Variants in MED23 observed in about 807,000 individuals in gnomAD.
The protein encoded by MED23 is mediator of RNA polymerase II transcription subunit 23.
A neutral mutation model predicts 163.9 loss-of-function variants in MED23; 105 were observed. The ratio of observed to expected loss-of-function variants is 0.64; its 90% CI spans 0.55 to 0.75. The LOEUF is 0.75. MED23 is among the 30% of genes least tolerant of loss of function. The pLI, the probability that MED23 is intolerant of heterozygous loss-of-function variation, is 0.00. For missense variants in MED23, 1,054 were observed against 1,649.0 expected (o/e 0.64, Z 6.25); for synonymous variants, 561 against 565.6 (o/e 0.99, Z 0.12).
At chr6:131,590,916 C>T (rs948588648) in intron 26 of MED23, among the ~76,000 whole-genome samples, 4 of 151,282 alleles carry the variant, frequency 2.6e-5, no homozygotes, top group South Asian at 4.2e-4. Flanking sequence ...CGCGCCCAGC[C>T]GCAAGTTGTT....
intron 11 of MED23, among the ~76,000 whole-genome samples, 200 bp from the exon 12 acceptor site, chr6:131,608,271 A>G (rs1343859852): frequency 6.6e-6 from 1 of 152,124 alleles, no homozygotes; most frequent in African/African-American, 2.4e-5. Flanking sequence ...AATTATTTTA[A>G]TATTATATAT....
At chr6:131,608,454 AT>A (rs1274497661) in intron 11 of MED23, among the ~76,000 whole-genome samples, 1 of 152,128 alleles carries the variant, frequency 6.6e-6, no homozygotes, top group Admixed American at 6.6e-5. Flanking sequence ...AACCTGGGGA[AT>A]ACTCTATCAC....
intron 30 of MED23, among the ~76,000 whole-genome samples, chr6:131,580,978 G>GA (rs1223378238): frequency 1.6e-4 from 24 of 151,734 alleles, no homozygotes; most frequent in African/African-American, 2.7e-4. Context: ...TGGATTTTGG[G>GA]AAAAAAAATC....
At chr6:131,622,405 G>A (rs571944409) in intron 5 of MED23, among the ~76,000 whole-genome samples, 1 of 152,156 alleles carries the variant, frequency 6.6e-6, no homozygotes, top group Admixed American at 6.5e-5. Flanking sequence ...ATAGGTGTAA[G>A]CCACTGTGAC....
rs188622333 is a variant in MED23 at position 131,609,462 on chromosome 6, C to T, written c.1077+584G>A. On this transcript the variant is annotated intron_variant, in intron 11 of 28. Transcript: ENST00000368068. Reference sequence around the variant, plus strand: ...GTCCTTCAAGTGTTAGCTTAAAGATCTCTTTGATACAGCCATCCCTGATAT... The same window carrying T: ...GTCCTTCAAGTGTTAGCTTAAAGATTTCTTTGATACAGCCATCCCTGATAT... 4.1e-5 allele frequency among the ~76,000 whole-genome samples: 6 copies of T among 145,664 alleles called. No homozygotes were observed. The Admixed American group carries it at 4.1e-4, about 10-fold the overall frequency.
intron 9 of MED23, 21 bp downstream of exon 9, chr6:131,618,386 C>A (rs762434668): frequency 6.6e-7 from 1 of 1,516,408 alleles, no homozygotes; most frequent in Non-Finnish European, 9.2e-7. Flanking sequence ...ACTAAAAGTG[C>A]CATTATATTT....
At position 131,589,491 on chromosome 6, in the gene MED23, A is replaced by G. The variant is rs1774428758; in HGVS notation, c.3913T>C (p.Phe1305Leu). The G allele has an allele frequency of 1.2e-6, 2 of 1,613,876 alleles. No homozygotes were observed. Among genetic ancestry groups the G allele is most frequent in the Non-Finnish European group, 1.7e-6 (2 of 1,179,820 alleles). The change falls in exon 28 of 29, where the codon TTT (phenylalanine) becomes CTT (leucine). Residue 1305 changes from phenylalanine to leucine, a missense_variant. By Grantham distance (22) the Phe-to-Leu change is conservative. Transcript: ENST00000368068. Reference sequence around the variant, plus strand: ...TGCTCTTTCACGCTGTCACCAGTAAACATATACTTCATGTGATAGAGGAAG... The same window carrying G: ...TGCTCTTTCACGCTGTCACCAGTAAGCATATACTTCATGTGATAGAGGAAG... The part of the protein sequence containing the change: ...CDFLYHMKYM[F>L]TGDSVKEQVE...
At chr6:131,601,381 T>TC (rs1254162217) in intron 17 of MED23, among the ~76,000 whole-genome samples, 1 of 152,222 alleles carries the variant, frequency 6.6e-6, no homozygotes, top group Non-Finnish European at 1.5e-5. Flanking sequence ...ACCAGTATTT[T>TC]CAAAATGAAT....
At chr6:131,583,936 T>G (rs757327323), downstream of MED23, 5 of 1,607,292 alleles carry the variant, frequency 3.1e-6, no homozygotes, top group South Asian at 3.3e-5. Flanking sequence ...ATAAATCTCA[T>G]AGTTAATGGC....
At chr6:131,628,256 T>C (rs2114803651), upstream of MED23, 1 of 598,476 alleles carries the variant, frequency 1.7e-6, no homozygotes, top group Admixed American at 2.8e-5. Flanking sequence ...AAGGGCCCGG[T>C]ACGCGCCGTT....
chr6:131,619,267 G>C (rs1776910478), intron 8 of MED23, among the ~76,000 whole-genome samples: 1 of 152,092 alleles, frequency 6.6e-6, no homozygotes, highest in Admixed American at 6.6e-5. Flanking sequence ...CTCAATATTT[G>C]ATCACTGAAT....
downstream of MED23, among the ~76,000 whole-genome samples, chr6:131,586,366 C>T (rs1460689772): frequency 6.6e-6 from 1 of 150,908 alleles, no homozygotes; most frequent in African/African-American, 2.4e-5. Context: ...TGCCACTGCA[C>T]TCCAGCCTGG....
chr6:131,590,469 G>T, intron 26 of MED23, 27 bp from the exon 27 acceptor site: 2 of 1,550,198 alleles, frequency 1.3e-6, no homozygotes, highest in African/African-American at 2.7e-5. Context: ...AAAATCTCCT[G>T]TGACTTGAAA....
At chr6:131,577,454 T>A (rs1773674727) in intron 30 of MED23, among the ~76,000 whole-genome samples, 1 of 152,216 alleles carries the variant, frequency 6.6e-6, no homozygotes, top group African/African-American at 2.4e-5. Flanking sequence ...GGATATGTTT[T>A]CATTTCTCTT....
At position 131,594,215 on chromosome 6, in the gene MED23, G is replaced by A. The variant is rs376944115; in HGVS notation, c.3116C>T (p.Pro1039Leu). 4.2e-5 allele frequency: 67 copies of A among 1,614,094 alleles called. No homozygotes were observed. Among genetic ancestry groups the A allele is most frequent in the Non-Finnish European group, 4.9e-5 (58 of 1,180,018 alleles). The stretch of plus-strand genomic sequence containing the variant: ...AGTGTCACTTAGACACCAGCCCTGC[G>A]GTCGATTATCCTTCAGAGAGCCAAT... ...AIIGSLKDNR[P>L]QGWCLSDTYL... The change falls in exon 23 of 29, where the codon CCG becomes CTG. Residue 1039 changes from proline (P) to leucine (L), a missense_variant. Coordinates refer to ENST00000368068, the MANE Select transcript of MED23 (RefSeq NM_004830.4).
intron 7 of MED23, among the ~76,000 whole-genome samples, chr6:131,620,319 T>C (rs1007211483): frequency 6.6e-6 from 1 of 152,008 alleles, no homozygotes; most frequent in African/African-American, 2.4e-5. Context: ...CAGGGTCTCG[T>C]CCTTTTGCCG....
chr6:131,573,993 A>G (rs932713493), exon 31 of MED23: 1 of 462,726 alleles, frequency 2.2e-6, no homozygotes, highest in Non-Finnish European at 3.9e-6. Flanking sequence ...ATTTTAATGG[A>G]TTTATGAAAC....
At chr6:131,584,660 G>C (rs1774110287), downstream of MED23, among the ~76,000 whole-genome samples, 1 of 129,870 alleles carries the variant, frequency 7.7e-6, no homozygotes, top group South Asian at 2.4e-4. Context: ...TAAAAGCATG[G>C]TTGCTATTCA....
intron 11 of MED23, 120 bp downstream of exon 11, chr6:131,609,926 G>T: frequency 2.2e-6 from 2 of 924,320 alleles, no homozygotes; most frequent in Non-Finnish European, 3.5e-6. Context: ...GCACTAAACA[G>T]GACAGAAATT....
Sources: allele counts gnomAD v4.1 joint callset (sites outside exome capture counted in the v4.1 genomes callset), GRCh38; gene constraint gnomAD v4.1.1; transcripts MANE v1.5; gene names NCBI Gene and HGNC (gene_info 2026-07-23, HGNC 2026-07-21).